Variants in ROR1 observed in about 807,000 individuals in gnomAD.
The protein encoded by ROR1 is inactive tyrosine-protein kinase transmembrane receptor ROR1.
A neutral mutation model predicts 78.8 loss-of-function variants in ROR1; 19 were observed. The ratio of observed to expected loss-of-function variants is 0.24; its 90% CI spans 0.17 to 0.35. ROR1 has a LOEUF of 0.35. Among genes scored for constraint, ROR1 ranks in the 10% least tolerant of loss-of-function variants. The pLI is 1.00. For synonymous variants in ROR1, 386 were observed against 433.6 expected, an observed-to-expected ratio of 0.89 and a Z score of 1.36; for missense variants, 917 against 1,177.8, an observed-to-expected ratio of 0.78 and a Z score of 3.24.
chr1:63,985,516 G>A (rs1396418368), intron 1 of ROR1, among the ~76,000 whole-genome samples: 1 of 152,048 alleles, frequency 6.6e-6, no homozygotes, highest in Non-Finnish European at 1.5e-5. Context: ...TGCCACAGGT[G>A]GAAAATTCCA....
chr1:64,169,599 C>A (rs1256367475), intron 8 of ROR1, among the ~76,000 whole-genome samples: 1 of 152,148 alleles, frequency 6.6e-6, no homozygotes. Flanking sequence ...CCTTTCAAAT[C>A]TCATTTCCTT....
chr1:63,839,004 T>C (rs1289996987), intron 1 of ROR1, among the ~76,000 whole-genome samples: 1 of 152,190 alleles, frequency 6.6e-6, no homozygotes, highest in East Asian at 1.9e-4. Context: ...CCTAGGTGTG[T>C]AGTAGGCTAT....
At chr1:64,017,613 G>A (rs1019542696) in intron 2 of ROR1, among the ~76,000 whole-genome samples, 6 of 152,088 alleles carry the variant, frequency 3.9e-5, no homozygotes, top group Non-Finnish European at 7.4e-5. Flanking sequence ...CTTTCCAGCC[G>A]GTTATTCCAG....
At position 63,864,862 on chromosome 1, in the gene ROR1, A is replaced by AT. The variant is rs1320658893; in HGVS notation, c.91+90362dup. 1.2e-4 allele frequency among the ~76,000 whole-genome samples: 14 copies of AT among 113,968 alleles called. No individual in the cohort carries two copies. In the East Asian group the frequency reaches 1.8e-3, roughly 15 times the overall value. The allele number at this position is 113,968 out of a possible 152,430, so 74.8% of individuals were successfully genotyped here. ...CAAGGTTTTTTTTTTTAATTTTTTT[A>AT]TTTTTTTTCCTTTTGTTTTACCTTC... is the stretch of plus-strand genomic sequence containing the variant. On this transcript the variant is annotated intron_variant, in intron 1 of 8. Transcript: ENST00000371079.
At chr1:63,986,243 A>G (rs1646250855) in intron 1 of ROR1, among the ~76,000 whole-genome samples, 1 of 152,216 alleles carries the variant, frequency 6.6e-6, no homozygotes, top group Non-Finnish European at 1.5e-5. Context: ...CCTCCCTTTT[A>G]AAAATTCATT....
chr1:63,806,401 T>C (rs2100262913), intron 1 of ROR1, among the ~76,000 whole-genome samples: 1 of 148,456 alleles, frequency 6.7e-6, no homozygotes, highest in Admixed American at 6.8e-5. Flanking sequence ...CACTGCAAGC[T>C]CCACCTCCCA....
intron 4 of ROR1, 152 bp from the exon 5 acceptor site, chr1:64,137,217 C>A: frequency 1.5e-6 from 1 of 679,970 alleles, no homozygotes; most frequent in Non-Finnish European, 2.3e-6. Flanking sequence ...GTTTTAAGAA[C>A]TGAGCAAAAG....
chr1:64,032,070 C>T lies in ROR1; in HGVS notation c.164-17621C>T, dbSNP rs185614549. 2.6e-3 allele frequency among the ~76,000 whole-genome samples: 400 copies of T among 152,036 alleles called. 1 individual carries two copies. Among genetic ancestry groups the T allele is most frequent in the Middle Eastern group, 6.8e-3 (2 of 294 alleles). On this transcript the variant is annotated intron_variant, in intron 2 of 8. Transcript: ENST00000371079. ...TCATTATACAAAATATGGCCGGGCG[C>T]GGTGGCTCATGCCTGTAATCCCAGC...
chr1:64,067,707 A>ATTTTTTTT (rs1557635987), intron 4 of ROR1, among the ~76,000 whole-genome samples: 1 of 130,414 alleles, frequency 7.7e-6, no homozygotes. Flanking sequence ...AGTTAAATAA[A>ATTTTTTTT]TTCTTTTTTT....
chr1:64,130,297 A>G (rs920043843), intron 4 of ROR1, among the ~76,000 whole-genome samples: 2 of 152,166 alleles, frequency 1.3e-5, no homozygotes, highest in African/African-American at 2.4e-5. Context: ...TCCCTTTCAA[A>G]ACTGACCTTA....
chr1:64,122,922 C>G (rs2100690087), intron 4 of ROR1, among the ~76,000 whole-genome samples: 1 of 152,244 alleles, frequency 6.6e-6, no homozygotes, highest in African/African-American at 2.4e-5. Flanking sequence ...GAAGTTTGAC[C>G]AGTAAGAGGG....
At chr1:64,009,425 G>GT (rs1346203139) in intron 2 of ROR1, 49 bp downstream of exon 2, 3 of 1,406,664 alleles carry the variant, frequency 2.1e-6, no homozygotes, top group Non-Finnish European at 2.0e-6. Context: ...GTGTGGAACT[G>GT]TTTTTAATCC....
At chr1:63,928,308 G>A (rs1645724104) in intron 1 of ROR1, among the ~76,000 whole-genome samples, 1 of 152,092 alleles carries the variant, frequency 6.6e-6, no homozygotes, top group African/African-American at 2.4e-5. Flanking sequence ...CAGCAGTCTG[G>A]GTGGTTTGTC....
chr1:64,074,012 A>G (rs374570156), intron 4 of ROR1, among the ~76,000 whole-genome samples: 1 of 152,340 alleles, frequency 6.6e-6, no homozygotes, highest in African/African-American at 2.4e-5. Context: ...AAGGACAGTT[A>G]TTATTAAAGT....
intron 4 of ROR1, among the ~76,000 whole-genome samples, chr1:64,085,331 G>A (rs1054828695): frequency 6.6e-6 from 1 of 152,154 alleles, no homozygotes; most frequent in Non-Finnish European, 1.5e-5. Context: ...GTTTTAGGTA[G>A]GATTGTGACA....
chr1:64,135,089 GT>G (rs996375056), intron 4 of ROR1, among the ~76,000 whole-genome samples: 3 of 151,960 alleles, frequency 2.0e-5, no homozygotes, highest in East Asian at 1.9e-4. Flanking sequence ...TGGTTTTGGG[GT>G]TTTTTTGTGT....
intron 1 of ROR1, among the ~76,000 whole-genome samples, chr1:63,921,613 G>C (rs140192263): frequency 3.8e-5 from 5 of 133,170 alleles, no homozygotes; most frequent in Non-Finnish European, 6.2e-5. Context: ...ACACCTTAAA[G>C]TTAAAGGAAG....
chr1:63,978,557 A>G (rs1646182106), intron 1 of ROR1, among the ~76,000 whole-genome samples: 1 of 152,210 alleles, frequency 6.6e-6, no homozygotes, highest in Non-Finnish European at 1.5e-5. Context: ...CACTTTGTAA[A>G]TAATTGTAAC....
At chr1:63,896,173 G>A (rs979943254) in intron 1 of ROR1, among the ~76,000 whole-genome samples, 2 of 151,994 alleles carry the variant, frequency 1.3e-5, no homozygotes, top group Admixed American at 1.3e-4. Flanking sequence ...TTTATTCAAT[G>A]ACTTCTATCA....
Sources: gnomAD v4.1 joint callset for allele counts (sites outside exome capture counted in the v4.1 genomes callset) on GRCh38, gnomAD v4.1.1 for gene constraint, MANE v1.5 for transcripts, NCBI Gene and HGNC (gene_info 2026-07-23, HGNC 2026-07-21) for gene names.